The following GAS2L3 variants were observed in gnomAD, a reference collection of about 807,000 sequenced individuals.
GAS2L3 encodes the protein growth arrest specific 2 like 3.
GAS2L3 carries 28 observed loss-of-function variants against 37.0 expected under a neutral mutation model. The observed-to-expected ratio is 0.76, with a 90% confidence interval of 0.56 to 1.04. GAS2L3 has a LOEUF of 1.04. GAS2L3 is among the 50% of genes least tolerant of loss of function. The pLI, the probability that GAS2L3 is intolerant of heterozygous loss-of-function variation, is 0.00. For missense variants in GAS2L3, 793 were observed against 817.6 expected, an observed-to-expected ratio of 0.97 and a Z score of 0.37; for synonymous variants, 290 against 296.6, an observed-to-expected ratio of 0.98 and a Z score of 0.23.
At chr12:100,581,930 T>C (rs1433477278) in intron 1 of GAS2L3, among the ~76,000 whole-genome samples, 5 of 152,270 alleles carry the variant, frequency 3.3e-5, no homozygotes, top group Admixed American at 6.5e-5. Context: ...ATGTAAAATA[T>C]ATAACTTGCA....
chr12:100,624,358 C>T lies in GAS2L3; in HGVS notation c.1553C>T (p.Ser518Phe). The change falls in exon 10 of 10, where the codon TCT (serine) becomes TTT (phenylalanine). Residue 518 changes from serine (S) to phenylalanine (F), a missense_variant. By Grantham distance (155) the Ser-to-Phe change is radical (BLOSUM62 -2). Transcript: ENST00000547754. ...PVRPKPSFQS[S>F]AKMTKTSSKT... ...AGACCTAAACCTTCTTTCCAGTCCTCTGCAAAAATGACAAAAACCAGTTCC... is the reference window on the plus strand; with the variant it reads ...AGACCTAAACCTTCTTTCCAGTCCTTTGCAAAAATGACAAAAACCAGTTCC... 2 of 1,614,000 alleles carry T rather than the reference C, an allele frequency of 1.2e-6. No homozygotes were observed. Among genetic ancestry groups the T allele is most frequent in the Non-Finnish European group, 1.7e-6 (2 of 1,180,014 alleles).
chr12:100,622,488 A>T (rs992404014), intron 9 of GAS2L3, 106 bp downstream of exon 9: 1 of 581,290 alleles, frequency 1.7e-6, no homozygotes, highest in Non-Finnish European at 3.0e-6. Flanking sequence ...AACATTGGAA[A>T]AGATGCTATT....
chr12:100,583,156 A>G (rs1218699348), intron 1 of GAS2L3, among the ~76,000 whole-genome samples: 16 of 152,264 alleles, frequency 1.1e-4, no homozygotes, highest in Non-Finnish European at 8.8e-5. Context: ...GGCACTCCAT[A>G]GGCAGAGCAG....
At chr12:100,577,438 A>G (rs1033921500) in intron 1 of GAS2L3, among the ~76,000 whole-genome samples, 5 of 152,248 alleles carry the variant, frequency 3.3e-5, no homozygotes, top group East Asian at 1.9e-4. Context: ...TATAAAATTA[A>G]GTTATTCAGG....
intron 5 of GAS2L3, among the ~76,000 whole-genome samples, chr12:100,610,652 G>A (rs1956116357): frequency 6.6e-6 from 1 of 152,148 alleles, no homozygotes; most frequent in African/African-American, 2.4e-5. Context: ...TAACTCTAGG[G>A]AGAGAGAGGA....
chr12:100,582,206 C>T lies in GAS2L3; in HGVS notation c.-152+8421C>T, dbSNP rs148899740. Among the ~76,000 whole-genome samples, 63 of 152,246 alleles carry T rather than the reference C, an allele frequency of 4.1e-4. 3 individuals carry two copies. The East Asian group carries it at 0.01, about 25-fold the overall frequency. ...TACGTCGAAGGTGGTTTTTCCCTTGCGGGGCAGGGGCCGGAGTTACAAGGT... is the reference window on the plus strand; with the variant it reads ...TACGTCGAAGGTGGTTTTTCCCTTGTGGGGCAGGGGCCGGAGTTACAAGGT... On this transcript the variant is annotated intron_variant, in intron 1 of 9. Transcript: ENST00000547754.
At chr12:100,608,809 C>T (rs1261432238) in intron 5 of GAS2L3, among the ~76,000 whole-genome samples, 1 of 152,196 alleles carries the variant, frequency 6.6e-6, no homozygotes, top group Non-Finnish European at 1.5e-5. Flanking sequence ...CTACACCCGG[C>T]CTGAAGTCTT....
At chr12:100,582,233 C>T (rs1244482038) in intron 1 of GAS2L3, among the ~76,000 whole-genome samples, 1 of 152,166 alleles carries the variant, frequency 6.6e-6, no homozygotes, top group African/African-American at 2.4e-5. Flanking sequence ...TTACAAGGTG[C>T]TTGGTGGGGA....
At chr12:100,574,786 A>T (rs1955614786) in intron 1 of GAS2L3, among the ~76,000 whole-genome samples, 1 of 152,248 alleles carries the variant, frequency 6.6e-6, no homozygotes, top group Non-Finnish European at 1.5e-5. Flanking sequence ...ATGATTAGAA[A>T]TTGAAATTCT....
intron 5 of GAS2L3, among the ~76,000 whole-genome samples, chr12:100,609,850 G>T (rs976368292): frequency 1.3e-5 from 2 of 152,160 alleles, no homozygotes; most frequent in Non-Finnish European, 2.9e-5. Flanking sequence ...TCAATGTAAA[G>T]CCTCAAAATC....
At chr12:100,579,900 T>A in intron 1 of GAS2L3, 1 of 757,444 alleles carries the variant, frequency 1.3e-6, no homozygotes, top group Middle Eastern at 2.9e-4. Flanking sequence ...TTTCCACACC[T>A]GAAGGAATGT....
intron 6 of GAS2L3, among the ~76,000 whole-genome samples, chr12:100,612,761 A>C (rs1956141544): frequency 6.6e-6 from 1 of 151,498 alleles, no homozygotes; most frequent in Non-Finnish European, 1.5e-5. Flanking sequence ...CCACCACCCC[A>C]CCCCCACACA....
intron 1 of GAS2L3, among the ~76,000 whole-genome samples, chr12:100,590,031 G>A (rs147510655): frequency 0.043 from 6,505 of 152,214 alleles, 279 homozygotes; most frequent in South Asian, 0.18. Flanking sequence ...GAACCCAAAA[G>A]CAAATGCAGT....
At chr12:100,611,762 C>T (rs1956129232) in intron 5 of GAS2L3, among the ~76,000 whole-genome samples, 1 of 152,112 alleles carries the variant, frequency 6.6e-6, no homozygotes, top group African/African-American at 2.4e-5. Flanking sequence ...CTACTCACCT[C>T]CTGCTGTGTG....
chr12:100,601,738 C>T lies in GAS2L3; in HGVS notation c.288C>T (p.Asn96=), dbSNP rs1295399657. 1 of 1,570,004 alleles carries T rather than the reference C, an allele frequency of 6.4e-7. No homozygotes were observed. Among genetic ancestry groups the T allele is most frequent in the East Asian group, 2.3e-5 (1 of 44,250 alleles). The change falls in exon 5 of 10, where the codon AAC becomes AAT. Residue 96 remains asparagine (N), a synonymous_variant. Transcript: ENST00000547754. ...TTCAAAACATGGTGAAAACATGCAA[C>T]TCTGAAGAATCAGGGGTAAGTAAAT... is the stretch of plus-strand genomic sequence containing the variant. The part of the protein sequence containing the change: ...DVLQNMVKTC[N]SEESGNFPMR...
rs1956311008 is a variant in GAS2L3 at position 100,624,679 on chromosome 12, C to T, written c.1874C>T (p.Thr625Ile). 6.2e-7 allele frequency: 1 copy of T among 1,614,150 alleles called. No individual in the cohort carries two copies. The part of the protein sequence containing the change: ...IVSLPQSSTK[T>I]QTAPKSAQTV... ...AGCCTACCCCAGTCTTCTACCAAAA[C>T]ACAAACTGCACCGAAGTCAGCACAG... The change falls in exon 10 of 10, where the codon ACA (threonine) becomes ATA (isoleucine). Residue 625 changes from threonine to isoleucine, a missense_variant. By Grantham distance (89) the Thr-to-Ile change is moderately conservative (BLOSUM62 -1). Transcript: ENST00000547754.
chr12:100,578,118 A>G (rs560220317), intron 1 of GAS2L3, among the ~76,000 whole-genome samples: 20 of 152,342 alleles, frequency 1.3e-4, no homozygotes, highest in African/African-American at 4.8e-4. Flanking sequence ...AAGGCTGGAG[A>G]AAAGGTGACT....
chr12:100,590,400 C>A (rs922840509), intron 1 of GAS2L3, among the ~76,000 whole-genome samples: 2 of 151,990 alleles, frequency 1.3e-5, no homozygotes, highest in African/African-American at 2.4e-5. Context: ...TAGCCATAAT[C>A]AAAAAATCAA....
chr12:100,619,861 G>A (rs968010879), intron 8 of GAS2L3, among the ~76,000 whole-genome samples: 5 of 152,048 alleles, frequency 3.3e-5, no homozygotes, highest in African/African-American at 1.2e-4. Context: ...AATGGGCAAG[G>A]TCTGTGTTCA....
Sources: allele counts gnomAD v4.1 joint callset (sites outside exome capture counted in the v4.1 genomes callset), GRCh38; gene constraint gnomAD v4.1.1; transcripts MANE v1.5; gene names NCBI Gene and HGNC (gene_info 2026-07-23, HGNC 2026-07-21).